Variants in RUNX1T1 observed in about 807,000 individuals in gnomAD.
RUNX1T1 encodes the protein protein CBFA2T1.
Under a neutral mutation model 62.8 loss-of-function variants are expected in RUNX1T1, and 4 were observed. That is an observed-to-expected ratio of 0.06 (90% CI 0.03 to 0.15). The LOEUF is 0.15. RUNX1T1 is among the 10% of genes least tolerant of loss of function. RUNX1T1 has a pLI of 1.00. For synonymous variants in RUNX1T1, 291 were observed against 286.0 expected (o/e 1.02, Z -0.18); for missense variants, 508 against 754.3 (o/e 0.67, Z 3.82).
intron 2 of RUNX1T1, among the ~76,000 whole-genome samples, chr8:92,073,458 C>T (rs1244596160): frequency 2.6e-5 from 4 of 152,098 alleles, no homozygotes; most frequent in African/African-American, 7.2e-5. Flanking sequence ...GACTCTCTGG[C>T]GCCACCTCAG....
chr8:91,993,749 T>G (rs554763974), intron 5 of RUNX1T1, among the ~76,000 whole-genome samples: 4 of 152,256 alleles, frequency 2.6e-5, no homozygotes, highest in South Asian at 2.1e-4. Context: ...CCCAGCACTT[T>G]GCGAGGCCGA....
At chr8:92,024,444 G>GGCTGC (rs1449313563) in intron 1 of RUNX1T1, among the ~76,000 whole-genome samples, 3 of 142,942 alleles carry the variant, frequency 2.1e-5, no homozygotes, top group Non-Finnish European at 4.5e-5. Context: ...GGGAGGCAGA[G>GGCTGC]GCTGCAGTGA....
intron 10 of RUNX1T1, among the ~76,000 whole-genome samples, chr8:91,961,441 G>A (rs1810428041): frequency 6.6e-6 from 1 of 152,188 alleles, no homozygotes; most frequent in Admixed American, 6.5e-5. Context: ...GGAGTGATGA[G>A]AACAAAACTC....
At chr8:92,043,251 T>C (rs1170649283) in intron 1 of RUNX1T1, among the ~76,000 whole-genome samples, 1 of 152,194 alleles carries the variant, frequency 6.6e-6, no homozygotes, top group Non-Finnish European at 1.5e-5. Flanking sequence ...TAAAAATTAT[T>C]TTAAGAAAAC....
At chr8:92,015,426 G>T (rs1822801290) in intron 2 of RUNX1T1, among the ~76,000 whole-genome samples, 1 of 152,110 alleles carries the variant, frequency 6.6e-6, no homozygotes, top group Admixed American at 6.6e-5. Context: ...AAATGGATAT[G>T]GTGTTTAACA....
intron 10 of RUNX1T1, among the ~76,000 whole-genome samples, chr8:91,968,635 A>G (rs1812144610): frequency 6.6e-6 from 1 of 152,206 alleles, no homozygotes; most frequent in Non-Finnish European, 1.5e-5. Context: ...ACTTTAAAGA[A>G]TAAGAAAACA....
intron 1 of RUNX1T1, among the ~76,000 whole-genome samples, chr8:92,079,323 G>A (rs1834884423): frequency 6.6e-6 from 1 of 152,150 alleles, no homozygotes; most frequent in Non-Finnish European, 1.5e-5. Flanking sequence ...CACCATAAAA[G>A]GAACCTGTTA....
chr8:91,984,549 C>T (rs1388109808), intron 8 of RUNX1T1, among the ~76,000 whole-genome samples: 2 of 152,126 alleles, frequency 1.3e-5, no homozygotes, highest in Non-Finnish European at 2.9e-5. Flanking sequence ...CATTGCCTGG[C>T]ACATAGTAAG....
At chr8:92,062,666 G>T (rs909650296) in exon 1 of RUNX1T1, 8 of 1,613,466 alleles carry the variant, frequency 5.0e-6, no homozygotes, top group Non-Finnish European at 6.8e-6. Context: ...CCATCAGAGG[G>T]GCTGGGGCGG....
intron 3 of RUNX1T1, among the ~76,000 whole-genome samples, chr8:92,011,863 T>C (rs140856687): frequency 1.6e-4 from 24 of 152,310 alleles, no homozygotes; most frequent in African/African-American, 4.1e-4. Context: ...TGTGTGTTGG[T>C]AAAAGCATCT....
chr8:91,984,936 T>C (rs1816240744), intron 8 of RUNX1T1, among the ~76,000 whole-genome samples: 1 of 152,206 alleles, frequency 6.6e-6, no homozygotes, highest in Non-Finnish European at 1.5e-5. Context: ...TTTCATTATT[T>C]AATACTTATG....
chr8:92,042,597 C>G (rs1289826892), intron 1 of RUNX1T1, among the ~76,000 whole-genome samples: 1 of 152,188 alleles, frequency 6.6e-6, no homozygotes, highest in South Asian at 2.1e-4. Context: ...GAATTACAGG[C>G]ATGGGGCACC....
At chr8:92,096,861 T>C (rs1245376594) in intron 1 of RUNX1T1, among the ~76,000 whole-genome samples, 1 of 152,080 alleles carries the variant, frequency 6.6e-6, no homozygotes, top group Non-Finnish European at 1.5e-5. Flanking sequence ...AAGGGAACCA[T>C]ATTTTAAGAG....
chr8:92,084,600 T>G (rs1450173858), intron 1 of RUNX1T1, among the ~76,000 whole-genome samples: 1 of 152,190 alleles, frequency 6.6e-6, no homozygotes, highest in Non-Finnish European at 1.5e-5. Context: ...AGACTCCCAC[T>G]TTTGAAGGTC....
chr8:92,091,946 T>C (rs1587601504), intron 1 of RUNX1T1, among the ~76,000 whole-genome samples: 2 of 152,354 alleles, frequency 1.3e-5, no homozygotes, highest in East Asian at 1.9e-4. Context: ...TTCCCCTTTA[T>C]ACATTCCTGA....
intron 8 of RUNX1T1, among the ~76,000 whole-genome samples, chr8:91,979,512 G>GTA (rs767208278): frequency 7.6e-4 from 115 of 151,610 alleles, no homozygotes; most frequent in African/African-American, 1.2e-4. Flanking sequence ...AATGTTAAAC[G>GTA]TATATATATA....
chr8:92,005,101 C>T lies in RUNX1T1; in HGVS notation c.659+15G>A. On this transcript the variant is annotated intron_variant, in intron 5 of 10. Coordinates refer to ENST00000396218, the Ensembl canonical transcript of RUNX1T1. ...AAAAAGGTCATGGTTCATCCAGGCTCCTCCTCCCTCTCACCTGTCTGGAGT... is the reference window on the plus strand; with the variant it reads ...AAAAAGGTCATGGTTCATCCAGGCTTCTCCTCCCTCTCACCTGTCTGGAGT... The T allele has an allele frequency of 6.3e-7, 1 of 1,586,812 alleles. No individual in the cohort carries two copies. Among genetic ancestry groups the T allele is most frequent in the Non-Finnish European group, 8.6e-7 (1 of 1,168,358 alleles).
intron 1 of RUNX1T1, among the ~76,000 whole-genome samples, chr8:92,043,756 CA>C (rs1317787597): frequency 6.6e-6 from 1 of 151,988 alleles, no homozygotes; most frequent in Non-Finnish European, 1.5e-5. Context: ...GCGGATGGAT[CA>C]CCTGAGGTCA....
exon 8 of RUNX1T1, chr8:91,986,246 C>T (rs753840852): frequency 6.8e-6 from 11 of 1,613,798 alleles, no homozygotes; most frequent in Admixed American, 5.0e-5. Flanking sequence ...CAATTCTTCC[C>T]GGTCTGCTTC....
Sources: gnomAD v4.1 joint callset for allele counts (sites outside exome capture counted in the v4.1 genomes callset) on GRCh38, gnomAD v4.1.1 for gene constraint, MANE v1.5 for transcripts, NCBI Gene and HGNC (gene_info 2026-07-23, HGNC 2026-07-21) for gene names.